Variants in MLLT3 observed in about 807,000 individuals in gnomAD.
The protein encoded by MLLT3 is MLLT3 super elongation complex subunit, also known as protein AF-9.
In MLLT3, 4 loss-of-function variants were observed where a neutral mutation model predicts 53.2. The ratio of observed to expected loss-of-function variants is 0.08; its 90% confidence interval spans 0.04 to 0.17. The LOEUF (loss-of-function observed/expected upper bound fraction) is 0.17. Among genes scored for constraint, MLLT3 ranks in the 10% least tolerant of loss-of-function variants. The pLI is 1.00. For missense variants in MLLT3, 569 were observed against 684.0 expected, an observed-to-expected ratio of 0.83 and a Z score of 1.87; for synonymous variants, 283 against 230.6, an observed-to-expected ratio of 1.23 and a Z score of -2.06.
intron 2 of MLLT3, among the ~76,000 whole-genome samples, chr9:20,546,987 T>C (rs187206125): frequency 1.6e-4 from 25 of 152,310 alleles, no homozygotes; most frequent in Admixed American, 3.9e-4. Flanking sequence ...CTTCCCCGTA[T>C]ATAAGGCCCA....
chr9:20,573,068 T>C (rs988954830), intron 2 of MLLT3, among the ~76,000 whole-genome samples: 5 of 152,000 alleles, frequency 3.3e-5, no homozygotes, highest in African/African-American at 1.2e-4. Flanking sequence ...GATACTTTCA[T>C]ATCTCCCACC....
intron 4 of MLLT3, among the ~76,000 whole-genome samples, chr9:20,427,800 C>T (rs1823174025): frequency 6.6e-6 from 1 of 151,738 alleles, no homozygotes; most frequent in African/African-American, 2.4e-5. Context: ...TTTTTTCAGC[C>T]AGTTTTTAAA....
intron 6 of MLLT3, 72 bp from the exon 7 acceptor site, chr9:20,363,677 G>A (rs1257403300): frequency 2.0e-6 from 3 of 1,485,766 alleles, no homozygotes; most frequent in East Asian, 2.3e-5. Context: ...AGAAACAGGG[G>A]GATGCTTACC....
At chr9:20,527,575 T>C (rs1323528183) in intron 2 of MLLT3, among the ~76,000 whole-genome samples, 4 of 152,208 alleles carry the variant, frequency 2.6e-5, no homozygotes, top group Non-Finnish European at 5.9e-5. Context: ...CACTGAGGTC[T>C]GCCACTTCTA....
intron 2 of MLLT3, among the ~76,000 whole-genome samples, chr9:20,477,727 C>T (rs1219710538): frequency 6.6e-6 from 1 of 152,100 alleles, no homozygotes; most frequent in Non-Finnish European, 1.5e-5. Context: ...TCCTATACTC[C>T]AGGGAGATAC....
At chr9:20,614,116 C>T (rs934913507) in intron 2 of MLLT3, among the ~76,000 whole-genome samples, 10 of 152,116 alleles carry the variant, frequency 6.6e-5, no homozygotes, top group African/African-American at 1.7e-4. Context: ...GTGCTAGGGC[C>T]GGGCGCGGTG....
intron 5 of MLLT3, among the ~76,000 whole-genome samples, chr9:20,393,908 G>C (rs1366720257): frequency 6.6e-6 from 1 of 152,094 alleles, no homozygotes; most frequent in Admixed American, 6.6e-5. Flanking sequence ...TAATAAATTG[G>C]TTCTGATTAT....
At chr9:20,512,868 G>A (rs1404571537) in intron 2 of MLLT3, among the ~76,000 whole-genome samples, 1 of 152,182 alleles carries the variant, frequency 6.6e-6, no homozygotes, top group African/African-American at 2.4e-5. Context: ...TAGAACTCCT[G>A]TTTATGGCAT....
intron 2 of MLLT3, among the ~76,000 whole-genome samples, chr9:20,500,257 A>G (rs960342323): frequency 4.6e-5 from 7 of 152,188 alleles, no homozygotes; most frequent in Non-Finnish European, 7.3e-5. Flanking sequence ...TGGTCTTCTC[A>G]GGGCCCTTGG....
rs1353439021 is a variant in MLLT3, at chr9:20,353,588, T to A, written c.1512A>T (p.Leu504=). Residue 504 remains leucine, a synonymous_variant, in exon 10 of 11, where the codon CTA becomes CTT. Coordinates refer to ENST00000380338, the MANE Select transcript of MLLT3 (RefSeq NM_004529.4). ...TTCTGTGAAGCTCTACCAGTTCATC[T>A]AGGTATGCCTGAAAGAGAAGAATGT... ...IKNGECDKAY[L]DELVELHRRL... 6.2e-7 allele frequency: 1 copy of A among 1,613,776 alleles called. No individual in the cohort carries two copies. The highest frequency in any genetic ancestry group is 1.1e-5 in the South Asian group (1 of 91,062).
chr9:20,414,478 A>T lies in MLLT3; in HGVS notation c.421-53T>A, dbSNP rs976746232. On this transcript the variant is annotated intron_variant, in intron 4 of 10. Coordinates refer to ENST00000380338, the MANE Select transcript of MLLT3 (RefSeq NM_004529.4). ...CTCCCAAAACTAAATAGCAATGAAG[A>T]GTCAAAAGAGATCTACATAAAATGA... 4 of 1,592,576 alleles carry T rather than the reference A, an allele frequency of 2.5e-6. No homozygotes were observed. The African/African-American group carries it at 5.4e-5, about 21-fold the overall frequency.
At chr9:20,428,151 C>G (rs1480772678) in intron 4 of MLLT3, among the ~76,000 whole-genome samples, 1 of 151,904 alleles carries the variant, frequency 6.6e-6, no homozygotes, top group Non-Finnish European at 1.5e-5. Context: ...CAGACTTACA[C>G]CAGACTTCAC....
chr9:20,432,087 C>G (rs1823286334), intron 4 of MLLT3, among the ~76,000 whole-genome samples: 1 of 152,034 alleles, frequency 6.6e-6, no homozygotes, highest in Non-Finnish European at 1.5e-5. Flanking sequence ...ATTCAAAATT[C>G]CTGATGTCAA....
intron 8 of MLLT3, among the ~76,000 whole-genome samples, 169 bp downstream of exon 8, chr9:20,360,573 T>G (rs1476106085): frequency 6.6e-6 from 1 of 152,240 alleles, no homozygotes; most frequent in East Asian, 1.9e-4. Flanking sequence ...CAGCAGAACC[T>G]CTTATACCCT....
At chr9:20,518,618 T>C (rs968196020) in intron 2 of MLLT3, among the ~76,000 whole-genome samples, 3 of 152,162 alleles carry the variant, frequency 2.0e-5, no homozygotes, top group African/African-American at 7.2e-5. Context: ...TCCTAACAGA[T>C]ACCACCTTAA....
chr9:20,449,834 C>T (rs1479277902), intron 3 of MLLT3, among the ~76,000 whole-genome samples: 1 of 152,140 alleles, frequency 6.6e-6, no homozygotes, highest in Non-Finnish European at 1.5e-5. Context: ...TATTCCTTCT[C>T]AATCTTCTTC....
At chr9:20,561,720 G>C (rs771213733) in intron 2 of MLLT3, among the ~76,000 whole-genome samples, 9 of 152,116 alleles carry the variant, frequency 5.9e-5, no homozygotes, top group Non-Finnish European at 1.3e-4. Context: ...TTTAAGTACA[G>C]AACTGAAGTT....
In MLLT3 at chr9:20,532,323, A is replaced by G. The variant is rs182928862; in HGVS notation, c.194-75537T>C. 6.1e-4 allele frequency among the ~76,000 whole-genome samples: 92 copies of G among 152,008 alleles called. No individual in the cohort carries two copies. In the East Asian group the frequency reaches 0.016, roughly 26 times the overall value. On this transcript the variant is annotated intron_variant, in intron 2 of 10. Coordinates refer to ENST00000380338, the MANE Select transcript of MLLT3 (RefSeq NM_004529.4). Reference sequence around the variant, plus strand: ...GTAAAAAAATAGGAAAAAAAAATATATATATATAAATCACTCAAACCATCA... The same window carrying G: ...GTAAAAAAATAGGAAAAAAAAATATGTATATATAAATCACTCAAACCATCA...
At position 20,344,941 on chromosome 9, in the gene MLLT3, G is replaced by A; in HGVS notation, c.*1502C>T. ...CAGTGACGAACCTTTGGATCCAGAAGTATTTCTTCATTTCTCTTCTTTTCG... is the reference window on the plus strand; with the variant it reads ...CAGTGACGAACCTTTGGATCCAGAAATATTTCTTCATTTCTCTTCTTTTCG... On this transcript the variant is annotated 3_prime_UTR_variant, in exon 11 of 11. Transcript: ENST00000380338. 1 of 215,422 alleles carries A rather than the reference G, an allele frequency of 4.6e-6. No individual in the cohort carries two copies. The highest frequency in any genetic ancestry group is 9.4e-6 in the Non-Finnish European group (1 of 106,826). The allele number at this position is 215,422 out of a possible 1,614,324, so 13.3% of individuals were successfully genotyped here.
Sources: gnomAD v4.1 joint callset for allele counts (sites outside exome capture counted in the v4.1 genomes callset) on GRCh38, gnomAD v4.1.1 for gene constraint, MANE v1.5 for transcripts, NCBI Gene and HGNC (gene_info 2026-07-23, HGNC 2026-07-21) for gene names.